Variants in ZNF561 observed in about 807,000 individuals in gnomAD.
The protein encoded by ZNF561 is zinc finger protein 561.
In ZNF561, 16 loss-of-function variants were observed where a neutral mutation model predicts 16.7. That is an observed-to-expected ratio of 0.96 (90% CI 0.65 to 1.45). ZNF561 has a LOEUF of 1.45. Ranked by LOEUF, ZNF561 falls within the 40% of genes most tolerant of loss-of-function variation. The pLI, the probability that ZNF561 is intolerant of heterozygous loss-of-function variation, is 0.00. For synonymous variants in ZNF561, 190 were observed against 192.1 expected (o/e 0.99, Z 0.09); for missense variants, 580 against 578.0 (o/e 1.00, Z -0.04).
At position 9,608,998 on chromosome 19, in the gene ZNF561, T is replaced by C. The variant is rs538864140; in HGVS notation, c.*1202A>G. The C allele has an allele frequency of 2.7e-4, 41 of 151,964 alleles. No homozygotes were observed. Among genetic ancestry groups the C allele is most frequent in the African/African-American group, 9.9e-4 (41 of 41,470 alleles). The allele number at this position is 151,964 out of a possible 1,614,324, so 9.4% of individuals were successfully genotyped here. The stretch of plus-strand genomic sequence containing the variant: ...ATGGCTATGACACCCATGCTGGAGG[T>C]TGCTGGTTTACCCGAATGAGGGCAA... On this transcript the variant is annotated 3_prime_UTR_variant, in exon 6 of 6. Coordinates refer to ENST00000302851, the MANE Select transcript of ZNF561 (RefSeq NM_152289.3).
chr19:9,615,533 G>A (rs1263656605), intron 4 of ZNF561, among the ~76,000 whole-genome samples: 1 of 152,018 alleles, frequency 6.6e-6, no homozygotes, highest in Non-Finnish European at 1.5e-5. Flanking sequence ...GGAGGGCAGA[G>A]GTTGTAGTAA....
rs1387050635 is a variant in ZNF561 at position 9,608,204 on chromosome 19, A to T, written c.*1996T>A. The T allele has an allele frequency of 7.2e-6, 1 of 138,398 alleles. No homozygotes were observed. Among genetic ancestry groups the T allele is most frequent in the East Asian group, 2.6e-4 (1 of 3,884 alleles). The allele number at this position is 138,398 out of a possible 1,614,324, so 8.6% of individuals were successfully genotyped here. Reference sequence around the variant, plus strand: ...GGCTCTTTAGAAGTATCGTGAAATGATGTCAAGAGATGGGTAGGGGGAGGG... The same window carrying T: ...GGCTCTTTAGAAGTATCGTGAAATGTTGTCAAGAGATGGGTAGGGGGAGGG... On this transcript the variant is annotated 3_prime_UTR_variant, in exon 6 of 6. Coordinates refer to ENST00000302851, the MANE Select transcript of ZNF561 (RefSeq NM_152289.3).
At chr19:9,618,810 G>C (rs1051467956) in intron 2 of ZNF561, among the ~76,000 whole-genome samples, 2 of 151,460 alleles carry the variant, frequency 1.3e-5, no homozygotes, top group Non-Finnish European at 2.9e-5. Flanking sequence ...ACACAAACCA[G>C]GGCTGAATTC....
rs1375882832 is a variant in ZNF561 at position 9,607,486 on chromosome 19, A to G, written c.*2714T>C. The G allele has an allele frequency of 6.6e-6, 1 of 152,250 alleles. No homozygotes were observed. Among genetic ancestry groups the G allele is most frequent in the Non-Finnish European group, 1.5e-5 (1 of 68,052 alleles). 9.4% of individuals were successfully genotyped at this position (152,250 alleles called of 1,614,324 possible). A position where few individuals can be genotyped will look rare whatever the true frequency, so the allele number is the denominator to read the frequency against. ...CCTCATGAATTATGAAATACTGGGA[A>G]ATCATTCATCATGTAAAAACTGGAT... On this transcript the variant is annotated 3_prime_UTR_variant, in exon 6 of 6. Coordinates refer to ENST00000302851, the MANE Select transcript of ZNF561 (RefSeq NM_152289.3).
intron 4 of ZNF561, 150 bp downstream of exon 4, chr19:9,616,895 A>C: frequency 8.9e-7 from 1 of 1,122,772 alleles, no homozygotes; most frequent in Non-Finnish European, 1.2e-6. Context: ...CGCCCGGCCT[A>C]GAATTTTTTT....
In ZNF561 at chr19:9,607,680, A is replaced by C. The variant is rs897451189; in HGVS notation, c.*2520T>G. The C allele has an allele frequency of 5.3e-5, 8 of 152,208 alleles. No homozygotes were observed. The highest frequency in any genetic ancestry group is 1.9e-4 in the African/African-American group (8 of 41,454). The allele number at this position is 152,208 out of a possible 1,614,324, so 9.4% of individuals were successfully genotyped here. A position where few individuals can be genotyped will look rare whatever the true frequency, so the allele number is the denominator to read the frequency against. ...CTGGAGGTTGAAATTAGTCCAGTAA[A>C]GCAAGAAAATATATATATAGGTATA... On this transcript the variant is annotated 3_prime_UTR_variant, in exon 6 of 6. Transcript: ENST00000302851.
At chr19:9,613,674 C>T (rs1180127878) in intron 5 of ZNF561, among the ~76,000 whole-genome samples, 2 of 152,154 alleles carry the variant, frequency 1.3e-5, no homozygotes, top group Admixed American at 1.3e-4. Flanking sequence ...CCCACCACCA[C>T]ACTCGGCTAA....
chr19:9,615,770 A>AAT (rs529559977), intron 4 of ZNF561, among the ~76,000 whole-genome samples: 111 of 148,346 alleles, frequency 7.5e-4, no homozygotes, highest in Middle Eastern at 3.4e-3. Context: ...AAAAAAAAAA[A>AAT]TTTAACTGGG....
At chr19:9,619,916 T>A (rs2074635477) in intron 1 of ZNF561, among the ~76,000 whole-genome samples, 1 of 121,374 alleles carries the variant, frequency 8.2e-6, no homozygotes, top group Non-Finnish European at 1.7e-5. Flanking sequence ...TCTATCTATA[T>A]CTATCCTATC....
chr19:9,607,553 A>G lies in ZNF561; in HGVS notation c.*2647T>C, dbSNP rs1318933222. ...CCTGTAAGAGATTAGCCTCTTCAAAAAATAAAATAAAAACCTACAGCCAAG... is the reference window on the plus strand; with the variant it reads ...CCTGTAAGAGATTAGCCTCTTCAAAGAATAAAATAAAAACCTACAGCCAAG... On this transcript the variant is annotated 3_prime_UTR_variant, in exon 6 of 6. Coordinates refer to ENST00000302851, the MANE Select transcript of ZNF561 (RefSeq NM_152289.3). The G allele has an allele frequency of 6.6e-6, 1 of 152,212 alleles. No individual in the cohort carries two copies. The highest frequency in any genetic ancestry group is 2.4e-5 in the African/African-American group (1 of 41,450). The allele number at this position is 152,212 out of a possible 1,614,324, so 9.4% of individuals were successfully genotyped here.
At position 9,610,578 on chromosome 19, in the gene ZNF561, T is replaced by G. The variant is rs1390838845; in HGVS notation, c.1083A>C (p.Gly361=). 6.2e-7 allele frequency: 1 copy of G among 1,613,344 alleles called. No individual in the cohort carries two copies. Among genetic ancestry groups the G allele is most frequent in the Non-Finnish European group, 8.5e-7 (1 of 1,179,620 alleles). ...ATTCCTTACACTGATAGGGTTTCTTTCCACTGTGACTTCGTATGTGTATAG... is the reference window on the plus strand; with the variant it reads ...ATTCCTTACACTGATAGGGTTTCTTGCCACTGTGACTTCGTATGTGTATAG... ...GLSIHIRSHS[G]KKPYQCKECG... is the part of the protein sequence containing the mutation. The change falls in exon 6 of 6, where the codon GGA becomes GGC. Residue 361 remains glycine, a synonymous_variant. Coordinates refer to ENST00000302851, the MANE Select transcript of ZNF561 (RefSeq NM_152289.3).
intron 1 of ZNF561, chr19:9,620,901 C>A (rs1205776818): frequency 6.6e-6 from 1 of 152,288 alleles, no homozygotes; most frequent in Non-Finnish European, 1.5e-5. Context: ...AGTAGCCGGG[C>A]GTGGTGGCAC....
rs1010153156 is a variant in ZNF561, at chr19:9,617,121, C to T, written c.165G>A (p.Trp55Ter). ...ATTTCTCAGTTGTGTCCAGTAAAGC[C>T]CACTCCTCTGGGGTGAAGTCCACAG... is the stretch of plus-strand genomic sequence containing the variant. The part of the protein sequence containing the change: ...DVAVDFTPEE[W>*]ALLDTTEKYL... The change falls in exon 4 of 6, where the codon TGG becomes TGA. Residue 55 changes from tryptophan to a stop codon, truncating the protein, a stop_gained. Transcript: ENST00000302851. LOFTEE classifies it high-confidence loss of function. 59 of 1,613,692 alleles carry T rather than the reference C, an allele frequency of 3.7e-5. No individual in the cohort carries two copies. Among genetic ancestry groups the T allele is most frequent in the Admixed American group, 5.0e-5 (3 of 59,972 alleles).
intron 4 of ZNF561, chr19:9,614,379 C>T (rs562790613): frequency 9.0e-5 from 28 of 311,998 alleles, no homozygotes; most frequent in Admixed American, 3.0e-4. Context: ...GAGGCTGAGG[C>T]GGGTGGATCA....
At chr19:9,611,453 T>A (rs2074456581) in intron 5 of ZNF561, 117 bp from the exon 6 acceptor site, 6 of 1,134,752 alleles carry the variant, frequency 5.3e-6, no homozygotes, top group Non-Finnish European at 7.1e-6. Flanking sequence ...ATATTTAATT[T>A]TTTTTTCTTT....
Position 9,610,529 on chromosome 19 carries a change from T to C in ZNF561, c.1132A>G (p.Thr378Ala). 3.7e-6 allele frequency: 6 copies of C among 1,614,020 alleles called. No homozygotes were observed. The highest frequency in any genetic ancestry group is 4.2e-6 in the Non-Finnish European group (5 of 1,179,896). Residue 378 changes from threonine to alanine, a missense_variant, in exon 6 of 6, where the codon ACA becomes GCA. Physicochemically the swap from Thr to Ala is moderately conservative, Grantham distance 58. Coordinates refer to ENST00000302851, the MANE Select transcript of ZNF561 (RefSeq NM_152289.3). ...ATTCTTGTATGCTGAATAAGACTTG[T>C]GGATGTAGTGAAGGCTTTCCCACAT... Reference protein sequence around the residue: ...KECGKAFTTSTSLIQHTRIHT... With the variant: ...KECGKAFTTSASLIQHTRIHT...
chr19:9,616,788 G>A lies in ZNF561; in HGVS notation c.241+257C>T, dbSNP rs1488731732. ...TTTGAATTTTTTTAGTAGAGACGGG[G>A]TTTCACAGTGTTAGGCAGGATGGTC... On this transcript the variant is annotated intron_variant, in intron 4 of 5. Transcript: ENST00000302851. 4.6e-5 allele frequency among the ~76,000 whole-genome samples: 7 copies of A among 151,534 alleles called. No individual in the cohort carries two copies. The East Asian group carries it at 1.2e-3, about 25-fold the overall frequency.
chr19:9,611,061 C>T lies in ZNF561; in HGVS notation c.600G>A (p.Lys200=). The change falls in exon 6 of 6, where the codon AAG becomes AAA. Residue 200 remains lysine (K), a synonymous_variant. Coordinates refer to ENST00000302851, the MANE Select transcript of ZNF561 (RefSeq NM_152289.3). Reference sequence around the variant, plus strand: ...AATACTTAAAGCCTTTTCCACATTCCTTACATTTGTAGGGTTGTCTTGCAT... The same window carrying T: ...AATACTTAAAGCCTTTTCCACATTCTTTACATTTGTAGGGTTGTCTTGCAT... The part of the protein sequence containing the change: ...VLNARQPYKC[K]ECGKGFKYFA... 1 of 1,614,094 alleles carries T rather than the reference C, an allele frequency of 6.2e-7. No individual in the cohort carries two copies. The highest frequency in any genetic ancestry group is 1.1e-5 in the South Asian group (1 of 91,088).
intron 3 of ZNF561, chr19:9,617,393 C>T (rs993898110): frequency 9.7e-7 from 1 of 1,029,048 alleles, no homozygotes; most frequent in Non-Finnish European, 1.2e-6. Flanking sequence ...TTTTTTAAAT[C>T]TTTTTTTGCT....
Sources: gnomAD v4.1 joint callset for allele counts (sites outside exome capture counted in the v4.1 genomes callset) on GRCh38, gnomAD v4.1.1 for gene constraint, MANE v1.5 for transcripts, NCBI Gene and HGNC (gene_info 2026-07-23, HGNC 2026-07-21) for gene names.